The following ROBO1 variants were observed in gnomAD, a reference collection of about 807,000 sequenced individuals.
ROBO1 encodes roundabout guidance receptor 1.
A neutral mutation model predicts 195.9 loss-of-function variants in ROBO1; 149 were observed. The observed-to-expected ratio is 0.76, with a 90% CI of 0.67 to 0.87. The LOEUF (loss-of-function observed/expected upper bound fraction) is 0.87, where lower values mean the gene tolerates loss of function less well. ROBO1 is among the 40% of genes least tolerant of loss of function. The pLI, the probability that ROBO1 is intolerant of heterozygous loss-of-function variation, is 0.00. For synonymous variants in ROBO1, 816 were observed against 733.2 expected (o/e 1.11, Z -1.82); for missense variants, 1,933 against 2,068.3 (o/e 0.93, Z 1.27).
chr3:79,504,420 CTGA>C (rs1940281417), intron 2 of ROBO1, among the ~76,000 whole-genome samples: 1 of 151,822 alleles, frequency 6.6e-6, no homozygotes, highest in African/African-American at 2.4e-5. Context: ...CCTATTTTTT[CTGA>C]TGTTTCCTAT....
At position 79,646,686 on chromosome 3, in the gene ROBO1, A is replaced by G. The variant is rs538436422; in HGVS notation, c.-50-56725T>C. On this transcript the variant is annotated intron_variant, in intron 1 of 30. Coordinates refer to ENST00000464233, the MANE Select transcript of ROBO1 (RefSeq NM_002941.4). ...TGCCCATCAATGGATGAATAGATAAAGAAAATGTAGTATGTATACACAATG... is the reference window on the plus strand; with the variant it reads ...TGCCCATCAATGGATGAATAGATAAGGAAAATGTAGTATGTATACACAATG... 1.8e-3 allele frequency among the ~76,000 whole-genome samples: 274 copies of G among 152,314 alleles called. 1 individual carries two copies. The highest frequency in any genetic ancestry group is 4.9e-3 in the African/African-American group (204 of 41,584).
intron 4 of ROBO1, among the ~76,000 whole-genome samples, chr3:78,811,231 ATT>A (rs963862786): frequency 3.9e-5 from 6 of 152,314 alleles, no homozygotes; most frequent in African/African-American, 1.4e-4. Flanking sequence ...TTGGATTTCA[ATT>A]TTGTTTCTAA....
intron 10 of ROBO1, among the ~76,000 whole-genome samples, chr3:78,671,651 T>G (rs940183636): frequency 2.0e-5 from 3 of 151,906 alleles, no homozygotes; most frequent in African/African-American, 4.8e-5. Context: ...TCAGCAGCTG[T>G]GCATTTCCAC....
At position 78,646,150 on chromosome 3, in the gene ROBO1, C is replaced by T. The variant is rs761090624; in HGVS notation, c.2880G>A (p.Gly960=). 6 of 1,605,960 alleles carry T rather than the reference C, an allele frequency of 3.7e-6. No individual in the cohort carries two copies. The Admixed American group carries it at 5.0e-5, about 13-fold the overall frequency. The stretch of plus-strand genomic sequence containing the variant: ...TACAAAACAAGCAAGATAATTACCT[C>T]CCTCCACTGCTGACAGCTTCGCCTC... ...QRGGEAVSSG[G]RPGLLNISEP... Residue 960 remains glycine, a splice_region_variant and synonymous_variant, in exon 21 of 31, where the codon GGG becomes GGA. Coordinates refer to ENST00000464233, the MANE Select transcript of ROBO1 (RefSeq NM_002941.4).
At chr3:79,268,210 A>C (rs2108962060) in intron 2 of ROBO1, among the ~76,000 whole-genome samples, 1 of 151,774 alleles carries the variant, frequency 6.6e-6, no homozygotes, top group African/African-American at 2.4e-5. Context: ...AAAATACTGC[A>C]TCATGCTTAC....
intron 2 of ROBO1, among the ~76,000 whole-genome samples, chr3:79,326,516 T>C (rs2034220625): frequency 6.6e-6 from 1 of 152,080 alleles, no homozygotes. Flanking sequence ...TCCCCAATAG[T>C]AATGAAAGGG....
intron 3 of ROBO1, among the ~76,000 whole-genome samples, chr3:78,940,346 G>T (rs1049051012): frequency 6.6e-6 from 1 of 152,156 alleles, no homozygotes; most frequent in African/African-American, 2.4e-5. Context: ...CCAGATGAAG[G>T]CTCTGAAATG....
intron 2 of ROBO1, among the ~76,000 whole-genome samples, chr3:79,469,036 AC>A (rs1028799492): frequency 2.0e-5 from 3 of 152,132 alleles, no homozygotes; most frequent in African/African-American, 7.2e-5. Flanking sequence ...CTACTTAACA[AC>A]CTACTAACAA....
intron 2 of ROBO1, among the ~76,000 whole-genome samples, chr3:79,538,966 G>C (rs1941970948): frequency 6.6e-6 from 1 of 152,128 alleles, no homozygotes; most frequent in Admixed American, 6.6e-5. Context: ...AGAGGCTAGA[G>C]TTTGTACAGA....
intron 5 of ROBO1, 107 bp downstream of exon 5, chr3:78,746,636 G>T: frequency 1.1e-6 from 1 of 932,836 alleles, no homozygotes. Context: ...GGGAGCTGAC[G>T]CAAGCCTTTA....
intron 2 of ROBO1, among the ~76,000 whole-genome samples, chr3:79,285,040 A>G (rs2031800120): frequency 6.6e-6 from 1 of 152,170 alleles, no homozygotes; most frequent in South Asian, 2.1e-4. Flanking sequence ...AGTTTCTGTC[A>G]TTCAGTTGAT....
At chr3:79,318,390 T>G (rs554704780) in intron 2 of ROBO1, among the ~76,000 whole-genome samples, 1 of 152,226 alleles carries the variant, frequency 6.6e-6, no homozygotes, top group Non-Finnish European at 1.5e-5. Context: ...TTGCATATAC[T>G]ATGTCACTTG....
intron 1 of ROBO1, among the ~76,000 whole-genome samples, chr3:79,741,630 G>A (rs1400787244): frequency 6.6e-6 from 1 of 152,150 alleles, no homozygotes; most frequent in Non-Finnish European, 1.5e-5. Flanking sequence ...GTGAGGCATT[G>A]CTATAAAGAT....
rs986056095 is a variant in ROBO1, at chr3:78,999,153, A to G, written c.173-60226T>C. On this transcript the variant is annotated intron_variant, in intron 3 of 30. Transcript: ENST00000464233. Reference sequence around the variant, plus strand: ...ATTAGTGGAGATACCGTAAAAAAAAAGTTTGGAGATTTTTCAAAGAACTTA... The same window carrying G: ...ATTAGTGGAGATACCGTAAAAAAAAGGTTTGGAGATTTTTCAAAGAACTTA... Among the ~76,000 whole-genome samples the G allele has an allele frequency of 2.6e-5, 4 of 152,094 alleles. No individual in the cohort carries two copies. In the South Asian group the frequency reaches 6.2e-4, roughly 24 times the overall value.
intron 1 of ROBO1, among the ~76,000 whole-genome samples, chr3:79,694,856 A>C (rs1947396980): frequency 6.6e-6 from 1 of 151,696 alleles, no homozygotes; most frequent in Non-Finnish European, 1.5e-5. Context: ...TGTATAACTT[A>C]AGCTTTTTTG....
At chr3:79,742,589 TC>T (rs1282315248) in intron 1 of ROBO1, among the ~76,000 whole-genome samples, 1 of 152,156 alleles carries the variant, frequency 6.6e-6, no homozygotes, top group African/African-American at 2.4e-5. Context: ...ATTGTAAATT[TC>T]CCGAGGGTTC....
intron 4 of ROBO1, among the ~76,000 whole-genome samples, chr3:78,750,583 A>C (rs1323167709): frequency 1.3e-5 from 2 of 152,226 alleles, no homozygotes; most frequent in African/African-American, 4.8e-5. Context: ...CATCAATTTT[A>C]ACACAATTCT....
chr3:78,814,507 T>A (rs1340334927), intron 4 of ROBO1, among the ~76,000 whole-genome samples: 1 of 151,870 alleles, frequency 6.6e-6, no homozygotes, highest in Non-Finnish European at 1.5e-5. Context: ...ATGACATAGT[T>A]CTAGATAATA....
At chr3:78,698,102 CA>C (rs145506281) in intron 8 of ROBO1, among the ~76,000 whole-genome samples, 2,759 of 152,216 alleles carry the variant, frequency 0.018, 77 homozygotes, top group African/African-American at 0.062. Context: ...ACATCTGATA[CA>C]CTAGAATTGT....
Sources: allele counts gnomAD v4.1 joint callset (sites outside exome capture counted in the v4.1 genomes callset), GRCh38; gene constraint gnomAD v4.1.1; transcripts MANE v1.5; gene names NCBI Gene and HGNC (gene_info 2026-07-23, HGNC 2026-07-21).